Variants in CREG1 observed in about 807,000 individuals in gnomAD.
CREG1 encodes the protein protein CREG1.
In CREG1, 20 loss-of-function variants were observed where a neutral mutation model predicts 19.9. The observed-to-expected ratio is 1.01, with a 90% CI of 0.71 to 1.46. The LOEUF (loss-of-function observed/expected upper bound fraction) is 1.46. Ranked by LOEUF, CREG1 falls within the 40% of genes most tolerant of loss-of-function variation. The probability of loss-of-function intolerance (pLI) is 0.00; values close to 1 mark genes in which losing one functional copy is unlikely to be tolerated. For synonymous variants in CREG1, 141 were observed against 143.3 expected (o/e 0.98, Z 0.12); for missense variants, 290 against 314.9 (o/e 0.92, Z 0.60).
chr1:167,552,162 C>T (rs935523313), intron 1 of CREG1, among the ~76,000 whole-genome samples: 5 of 152,234 alleles, frequency 3.3e-5, no homozygotes, highest in African/African-American at 1.2e-4. Context: ...GGGGTTTGCC[C>T]GCTGGCTTTA....
chr1:167,551,600 T>C (rs1269633913), intron 1 of CREG1, among the ~76,000 whole-genome samples: 2 of 152,230 alleles, frequency 1.3e-5, no homozygotes, highest in Non-Finnish European at 2.9e-5. Flanking sequence ...AACTCCCTAG[T>C]CACCTCACAA....
chr1:167,547,211 T>C (rs1303552106), intron 2 of CREG1, among the ~76,000 whole-genome samples: 1 of 152,270 alleles, frequency 6.6e-6, no homozygotes, highest in Non-Finnish European at 1.5e-5. Context: ...TGAGATTGTA[T>C]TTGACCTCTT....
chr1:167,553,043 T>A (rs1205043267), intron 1 of CREG1, among the ~76,000 whole-genome samples: 10 of 92,142 alleles, frequency 1.1e-4, no homozygotes, highest in African/African-American at 3.3e-4. Context: ...TGAGATTCTG[T>A]CTCAAAGGGA....
chr1:167,547,690 G>A (rs1279013531), intron 2 of CREG1, among the ~76,000 whole-genome samples: 8 of 152,172 alleles, frequency 5.3e-5, no homozygotes, highest in Non-Finnish European at 1.0e-4. Context: ...GGAGGTCGAG[G>A]TGGGTGGATC....
chr1:167,550,162 G>A (rs1656401119), intron 1 of CREG1, among the ~76,000 whole-genome samples: 2 of 151,856 alleles, frequency 1.3e-5, no homozygotes, highest in South Asian at 4.2e-4. Context: ...GTTAATTTTT[G>A]TATTTTTAGT....
At chr1:167,546,497 C>G (rs568877521) in intron 2 of CREG1, among the ~76,000 whole-genome samples, 1 of 152,068 alleles carries the variant, frequency 6.6e-6, no homozygotes, top group South Asian at 2.1e-4. Context: ...AAAAAATTAG[C>G]CAGATGTGGT....
At chr1:167,549,569 G>C (rs1319791644) in intron 1 of CREG1, among the ~76,000 whole-genome samples, 1 of 152,052 alleles carries the variant, frequency 6.6e-6, no homozygotes, top group Non-Finnish European at 1.5e-5. Flanking sequence ...ATTTTTAGTA[G>C]AGACTGGGTT....
chr1:167,552,489 G>C (rs1656437458), intron 1 of CREG1, among the ~76,000 whole-genome samples: 1 of 152,190 alleles, frequency 6.6e-6, no homozygotes, highest in Non-Finnish European at 1.5e-5. Context: ...AGAGTTGTAA[G>C]TGTGGCCCTG....
At chr1:167,550,053 G>GATC (rs1656398892) in intron 1 of CREG1, among the ~76,000 whole-genome samples, 1 of 152,172 alleles carries the variant, frequency 6.6e-6, no homozygotes, top group Non-Finnish European at 1.5e-5. Context: ...GCAATGGCGT[G>GATC]ATCTCAGCTC....
In CREG1 at chr1:167,541,603, G is replaced by A. The variant is rs964266825; in HGVS notation, c.*695C>T. On this transcript the variant is annotated 3_prime_UTR_variant, in exon 4 of 4. Coordinates refer to ENST00000370509, the MANE Select transcript of CREG1 (RefSeq NM_003851.3). ...ACATGTGTTTTGATAATACTGTTTC[G>A]ACTTAGGTGGGGAAATTAAATTCAG... is the stretch of plus-strand genomic sequence containing the variant. The A allele has an allele frequency of 7.2e-5, 11 of 152,268 alleles. No homozygotes were observed. In the South Asian group the frequency reaches 8.3e-4, roughly 11 times the overall value. 9.4% of individuals were successfully genotyped at this position (152,268 alleles called of 1,614,324 possible). A position where few individuals can be genotyped will look rare whatever the true frequency, so the allele number is the denominator to read the frequency against.
intron 1 of CREG1, among the ~76,000 whole-genome samples, chr1:167,549,488 G>A (rs551806935): frequency 1.3e-5 from 2 of 151,748 alleles, no homozygotes; most frequent in Non-Finnish European, 2.9e-5. Flanking sequence ...AAGTTCAAGC[G>A]ATTCTCTTGC....
At chr1:167,549,802 A>G (rs569229831) in intron 1 of CREG1, among the ~76,000 whole-genome samples, 15 of 151,956 alleles carry the variant, frequency 9.9e-5, no homozygotes, top group Middle Eastern at 3.4e-3. Flanking sequence ...CTCCCATCTC[A>G]TCCTCCTGAG....
In CREG1 at chr1:167,552,495, C is replaced by G. The variant is rs553415586; in HGVS notation, c.354+893G>C. ...AGATCCATCAGAGTTGTAAGTGTGG[C>G]CCTGCACCAGAAGGTGGGCAAAGGG... On this transcript the variant is annotated intron_variant, in intron 1 of 3. Coordinates refer to ENST00000370509, the MANE Select transcript of CREG1 (RefSeq NM_003851.3). Among the ~76,000 whole-genome samples, 62 of 152,284 alleles carry G rather than the reference C, an allele frequency of 4.1e-4. No homozygotes were observed. In the South Asian group the frequency reaches 0.013, roughly 31 times the overall value.
chr1:167,550,050 C>T (rs889177651), intron 1 of CREG1, among the ~76,000 whole-genome samples: 6 of 151,970 alleles, frequency 3.9e-5, no homozygotes, highest in East Asian at 1.9e-4. Flanking sequence ...AGTGCAATGG[C>T]GTGATCTCAG....
intron 1 of CREG1, among the ~76,000 whole-genome samples, chr1:167,550,013 A>G (rs926001959): frequency 6.6e-6 from 1 of 151,662 alleles, no homozygotes; most frequent in Non-Finnish European, 1.5e-5. Context: ...ATTTAGAAAC[A>G]GAATCAAGCT....
At chr1:167,550,093 G>A (rs1301908771) in intron 1 of CREG1, among the ~76,000 whole-genome samples, 1 of 152,188 alleles carries the variant, frequency 6.6e-6, no homozygotes, top group East Asian at 1.9e-4. Context: ...AGGCTCAACT[G>A]ATGCTCTCAA....
In CREG1 at chr1:167,546,419, G is replaced by A. The variant is rs57227629; in HGVS notation, c.475-134C>T. The stretch of plus-strand genomic sequence containing the variant: ...AGCACTTTGGAAGGCCAAGGCGGGC[G>A]GATCACGAGGTCAGGAGACTCAGAC... On this transcript the variant is annotated intron_variant, in intron 2 of 3. Transcript: ENST00000370509. The A allele has an allele frequency of 8.1e-3, 4,403 of 541,238 alleles. 162 individuals are homozygous for A. The highest frequency in any genetic ancestry group is 0.077 in the African/African-American group (3,939 of 51,078). The allele number at this position is 541,238 out of a possible 1,614,324, so 33.5% of individuals were successfully genotyped here.
intron 3 of CREG1, among the ~76,000 whole-genome samples, chr1:167,544,016 G>A (rs1656273015): frequency 6.6e-6 from 1 of 152,252 alleles, no homozygotes; most frequent in South Asian, 2.1e-4. Context: ...TATGTCCTGT[G>A]AAAGTAAACT....
At chr1:167,551,424 A>C (rs1206956244) in intron 1 of CREG1, among the ~76,000 whole-genome samples, 5 of 152,202 alleles carry the variant, frequency 3.3e-5, no homozygotes. Flanking sequence ...ATGGAAACCT[A>C]AAGCCCTGGG....
Sources: gnomAD v4.1 joint callset for allele counts (sites outside exome capture counted in the v4.1 genomes callset) on GRCh38, gnomAD v4.1.1 for gene constraint, MANE v1.5 for transcripts, NCBI Gene and HGNC (gene_info 2026-07-23, HGNC 2026-07-21) for gene names.